The following CERK variants were observed in gnomAD, a reference collection of about 807,000 sequenced individuals.
CERK encodes the protein ceramide kinase, also known as acylsphingosine kinase.
In CERK, 39 loss-of-function variants were observed where a neutral mutation model predicts 63.4. The observed-to-expected ratio is 0.61, with a 90% CI of 0.48 to 0.80. The LOEUF (loss-of-function observed/expected upper bound fraction) is 0.80. Ranked by LOEUF, CERK falls within the 30% of genes least tolerant of loss-of-function variation. CERK has a pLI of 0.00. For missense variants in CERK, 670 were observed against 714.1 expected (o/e 0.94, Z 0.70); for synonymous variants, 302 against 280.0 (o/e 1.08, Z -0.78).
At chr22:46,719,783 C>T (rs6007961) in intron 3 of CERK, among the ~76,000 whole-genome samples, 19,388 of 152,258 alleles carry the variant, frequency 0.13, 1,565 homozygotes, top group African/African-American at 0.22. Flanking sequence ...AATGTAAAAG[C>T]TATTACCATC....
chr22:46,735,723 G>A (rs983971847), intron 1 of CERK, among the ~76,000 whole-genome samples: 3 of 152,130 alleles, frequency 2.0e-5, no homozygotes, highest in African/African-American at 7.2e-5. Context: ...GATACACCTG[G>A]GGGAATGGGG....
chr22:46,735,941 CTTG>C (rs1268785850), intron 1 of CERK, among the ~76,000 whole-genome samples: 2 of 152,228 alleles, frequency 1.3e-5, no homozygotes, highest in African/African-American at 4.8e-5. Flanking sequence ...CGTTTCCCAA[CTTG>C]TTGATGTTTT....
intron 12 of CERK, among the ~76,000 whole-genome samples, chr22:46,688,049 T>C (rs2082712154): frequency 6.6e-6 from 1 of 151,852 alleles, no homozygotes; most frequent in African/African-American, 2.4e-5. Context: ...ATATAAAAAT[T>C]AGCCAGGTGT....
At chr22:46,693,394 G>T in intron 10 of CERK, 33 bp downstream of exon 10, 1 of 1,588,634 alleles carries the variant, frequency 6.3e-7, no homozygotes, top group South Asian at 1.1e-5. Context: ...AGCACACACA[G>T]TGACAACACT....
chr22:46,733,526 T>A (rs1015876036), intron 1 of CERK, among the ~76,000 whole-genome samples: 3 of 151,428 alleles, frequency 2.0e-5, no homozygotes, highest in Non-Finnish European at 2.9e-5. Flanking sequence ...CCTCCTGACA[T>A]CAAGTGATCC....
At chr22:46,721,939 A>G (rs1038679163) in intron 1 of CERK, among the ~76,000 whole-genome samples, 8 of 152,166 alleles carry the variant, frequency 5.3e-5, no homozygotes, top group Non-Finnish European at 1.0e-4. Flanking sequence ...CACATCAAAG[A>G]AAGTTCTGGG....
chr22:46,733,237 C>T (rs561176252), intron 1 of CERK, among the ~76,000 whole-genome samples: 1 of 150,126 alleles, frequency 6.7e-6, no homozygotes, highest in African/African-American at 2.4e-5. Flanking sequence ...AAAATTAACC[C>T]TTTCTCTATC....
In CERK at chr22:46,726,548, G is replaced by A. The variant is rs181430064; in HGVS notation, c.143-5533C>T. On this transcript the variant is annotated intron_variant, in intron 1 of 12. Coordinates refer to ENST00000216264, the MANE Select transcript of CERK (RefSeq NM_022766.6). ...ACACCCAAGAGATCCGAGTGGCTGG[G>A]AGGCCTGATTCCCCCTGCAATGACA... Among the ~76,000 whole-genome samples, 674 of 152,312 alleles carry A rather than the reference G, an allele frequency of 4.4e-3. 3 individuals are homozygous for A. The highest frequency in any genetic ancestry group is 8.8e-3 in the Admixed American group (135 of 15,304).
At position 46,720,578 on chromosome 22, in the gene CERK, C is replaced by T. The variant is rs564123394; in HGVS notation, c.256+324G>A. 3.9e-5 allele frequency among the ~76,000 whole-genome samples: 6 copies of T among 152,144 alleles called. No individual in the cohort carries two copies. In the South Asian group the frequency reaches 1.0e-3, roughly 26 times the overall value. On this transcript the variant is annotated intron_variant, in intron 2 of 12. Coordinates refer to ENST00000216264, the MANE Select transcript of CERK (RefSeq NM_022766.6). ...GGGTGTGGTGGCGGGCACCTATAAT[C>T]CCAGCTACTCAGGAGGCTGAGGCAG...
intron 1 of CERK, among the ~76,000 whole-genome samples, chr22:46,722,184 G>A (rs929952892): frequency 2.0e-5 from 3 of 152,068 alleles, no homozygotes; most frequent in African/African-American, 7.3e-5. Context: ...CTAAAATACC[G>A]TATTTTTGCC....
intron 8 of CERK, among the ~76,000 whole-genome samples, chr22:46,696,379 C>A (rs1357335617): frequency 6.6e-6 from 1 of 152,154 alleles, no homozygotes; most frequent in African/African-American, 2.4e-5. Flanking sequence ...GGGGGTCCCA[C>A]AAGGACGTCG....
At position 46,706,092 on chromosome 22, in the gene CERK, G is replaced by A. The variant is rs184356285; in HGVS notation, c.715+1751C>T. Reference sequence around the variant, plus strand: ...CCTTCAGGGGCTGGGAGCCTGGAGCGTGTGAGTGTGCTGAGTGTGTGTGAA... The same window carrying A: ...CCTTCAGGGGCTGGGAGCCTGGAGCATGTGAGTGTGCTGAGTGTGTGTGAA... On this transcript the variant is annotated intron_variant, in intron 6 of 12. Coordinates refer to ENST00000216264, the MANE Select transcript of CERK (RefSeq NM_022766.6). Among the ~76,000 whole-genome samples, 111 of 152,266 alleles carry A rather than the reference G, an allele frequency of 7.3e-4. 1 individual carries two copies. The highest frequency in any genetic ancestry group is 1.4e-3 in the Non-Finnish European group (95 of 68,048).
intron 1 of CERK, among the ~76,000 whole-genome samples, chr22:46,728,261 G>A (rs987012111): frequency 3.9e-5 from 6 of 152,180 alleles, no homozygotes; most frequent in Middle Eastern, 3.4e-3. Flanking sequence ...TCCAGGGACC[G>A]TACGGTGCCT....
chr22:46,719,759 T>C (rs2082882863), intron 3 of CERK, among the ~76,000 whole-genome samples: 1 of 152,232 alleles, frequency 6.6e-6, no homozygotes, highest in Admixed American at 6.5e-5. Context: ...AGTTTAATTC[T>C]CACATTCACC....
intron 10 of CERK, among the ~76,000 whole-genome samples, chr22:46,692,164 C>T (rs1254203615): frequency 6.6e-6 from 1 of 152,204 alleles, no homozygotes; most frequent in Non-Finnish European, 1.5e-5. Context: ...CGGTGGCTCA[C>T]GCCTGTAATC....
intron 3 of CERK, among the ~76,000 whole-genome samples, chr22:46,712,847 C>CT (rs11312593): frequency 0.017 from 2,122 of 125,686 alleles, 65 homozygotes; most frequent in African/African-American, 0.058. Flanking sequence ...CTTTTCTTTT[C>CT]TTTTTTTTTT....
chr22:46,729,446 T>C (rs2082934987), intron 1 of CERK, among the ~76,000 whole-genome samples: 1 of 152,112 alleles, frequency 6.6e-6, no homozygotes, highest in Admixed American at 6.5e-5. Flanking sequence ...TCTTGCTCTG[T>C]CACTCAGGAT....
At chr22:46,706,098 G>C (rs1039900048) in intron 6 of CERK, among the ~76,000 whole-genome samples, 9 of 152,256 alleles carry the variant, frequency 5.9e-5, no homozygotes, top group African/African-American at 2.2e-4. Context: ...GAGCGTGTGA[G>C]TGTGCTGAGT....
At chr22:46,724,389 G>C (rs1339183753) in intron 1 of CERK, among the ~76,000 whole-genome samples, 1 of 152,212 alleles carries the variant, frequency 6.6e-6, no homozygotes, top group Non-Finnish European at 1.5e-5. Flanking sequence ...GTTTTCAACT[G>C]TGTGGGGCTG....
Sources: gnomAD v4.1 joint callset for allele counts (sites outside exome capture counted in the v4.1 genomes callset) on GRCh38, gnomAD v4.1.1 for gene constraint, MANE v1.5 for transcripts, NCBI Gene and HGNC (gene_info 2026-07-23, HGNC 2026-07-21) for gene names.